CRACR2A: variants seen among roughly 807,000 people sequenced by gnomAD.
The protein encoded by CRACR2A is calcium release activated channel regulator 2A.
A neutral mutation model predicts 90.5 loss-of-function variants in CRACR2A; 79 were observed. That is an observed-to-expected ratio of 0.87 (90% CI 0.73 to 1.05). CRACR2A has a LOEUF of 1.05. Among genes scored for constraint, CRACR2A ranks in the 50% least tolerant of loss-of-function variants. The pLI is 0.00. For synonymous variants in CRACR2A, 338 were observed against 356.7 expected (o/e 0.95, Z 0.59); for missense variants, 823 against 897.2 (o/e 0.92, Z 1.06).
chr12:3,677,922 G>GA (rs1348734752), intron 6 of CRACR2A, among the ~76,000 whole-genome samples: 52 of 152,288 alleles, frequency 3.4e-4, no homozygotes, highest in African/African-American at 1.1e-3. Flanking sequence ...ATTGTTTGCT[G>GA]AAAAATTCAC....
intron 4 of CRACR2A, among the ~76,000 whole-genome samples, chr12:3,693,455 C>T (rs1202536874): frequency 6.6e-6 from 1 of 152,220 alleles, no homozygotes; most frequent in Non-Finnish European, 1.5e-5. Flanking sequence ...CTAAAGTCTC[C>T]TGTGGGAGTA....
intron 3 of CRACR2A, among the ~76,000 whole-genome samples, chr12:3,697,286 G>T (rs539586903): frequency 6.6e-6 from 1 of 152,178 alleles, no homozygotes; most frequent in Non-Finnish European, 1.5e-5. Context: ...AGATTGAAAG[G>T]AGATGGAATA....
chr12:3,673,615 G>A (rs374818755), intron 6 of CRACR2A, 23 bp from the exon 7 acceptor site: 41 of 1,608,638 alleles, frequency 2.5e-5, no homozygotes, highest in Non-Finnish European at 3.3e-5. Flanking sequence ...GGACGCTCAT[G>A]TGGAAGTGTG....
At position 3,638,332 on chromosome 12, in the gene CRACR2A, G is replaced by A. The variant is rs1466944166; in HGVS notation, c.1394C>T (p.Pro465Leu). The A allele has an allele frequency of 5.8e-6, 9 of 1,551,212 alleles. No homozygotes were observed. The highest frequency in any genetic ancestry group is 1.2e-5 in the South Asian group (1 of 84,050). Residue 465 changes from proline (P) to leucine (L), a missense_variant, in exon 14 of 20, where the codon CCC becomes CTC. Coordinates refer to ENST00000440314, the MANE Select transcript of CRACR2A (RefSeq NM_001144958.2). Reference protein sequence around the residue: ...TGEPGPGGPYPRPLRRIISVE... With the variant: ...TGEPGPGGPYLRPLRRIISVE... Reference sequence around the variant, plus strand: ...GGAGATGATTCTGCGGAGCGGCCGGGGGTACGGACCCCCAGGCCCTGGCTC... The same window carrying A: ...GGAGATGATTCTGCGGAGCGGCCGGAGGTACGGACCCCCAGGCCCTGGCTC...
At chr12:3,720,458 A>AGAAAGAAAGAAAGAAAGAAG (rs1240847890) in intron 2 of CRACR2A, among the ~76,000 whole-genome samples, 1 of 151,820 alleles carries the variant, frequency 6.6e-6, no homozygotes, top group Non-Finnish European at 1.5e-5. Context: ...AAAGAAAGAA[A>AGAAAGAAAGAAAGAAAGAAG]GAAAGAAAGC....
At chr12:3,688,905 C>T (rs1247647516) in intron 4 of CRACR2A, among the ~76,000 whole-genome samples, 1 of 152,146 alleles carries the variant, frequency 6.6e-6, no homozygotes, top group Non-Finnish European at 1.5e-5. Context: ...CTTTCACCTT[C>T]CTGGTTAGCT....
chr12:3,686,009 G>C (rs1945546532), intron 4 of CRACR2A, among the ~76,000 whole-genome samples: 1 of 152,230 alleles, frequency 6.6e-6, no homozygotes, highest in Non-Finnish European at 1.5e-5. Flanking sequence ...TCTCAGGGCT[G>C]AGTGTGCTAC....
In CRACR2A at chr12:3,711,836, G is replaced by A. The variant is rs1236268612; in HGVS notation, c.-37+1401C>T. On this transcript the variant is annotated intron_variant, in intron 3 of 19. Transcript: ENST00000440314. The surrounding 1 kb of genome is among the most constrained non-coding windows in gnomAD (Gnocchi z 4.3). ...TTAGTTAGAGTTTAACATACAAGAT[G>A]CTATACTGAGGTGGAATAAAAGGCC... is the stretch of plus-strand genomic sequence containing the variant. 6.6e-6 allele frequency among the ~76,000 whole-genome samples: 1 copy of A among 152,160 alleles called. No individual in the cohort carries two copies. The highest frequency in any genetic ancestry group is 1.9e-4 in the East Asian group (1 of 5,200).
chr12:3,719,599 G>A (rs956528871), intron 2 of CRACR2A, among the ~76,000 whole-genome samples: 2 of 152,156 alleles, frequency 1.3e-5, no homozygotes, highest in African/African-American at 2.4e-5. Flanking sequence ...AGCCAAAACC[G>A]TGCAGACTCT....
intron 11 of CRACR2A, 132 bp from the exon 12 acceptor site, chr12:3,644,772 C>T: frequency 1.3e-6 from 1 of 782,538 alleles, no homozygotes; most frequent in Non-Finnish European, 2.2e-6. Flanking sequence ...GTGGAATCTC[C>T]TTCCATAGGG....
chr12:3,660,779 A>G (rs1945015171), intron 7 of CRACR2A, among the ~76,000 whole-genome samples: 1 of 150,442 alleles, frequency 6.6e-6, no homozygotes, highest in Non-Finnish European at 1.5e-5. Context: ...AGGAAACTTC[A>G]GGCTCTGTGA....
At chr12:3,629,097 A>C (rs1944332577) in intron 15 of CRACR2A, among the ~76,000 whole-genome samples, 1 of 152,202 alleles carries the variant, frequency 6.6e-6, no homozygotes, top group Non-Finnish European at 1.5e-5. Context: ...ACCTTCACAG[A>C]GTCCCACTGT....
chr12:3,688,127 A>T (rs374831817), intron 4 of CRACR2A, among the ~76,000 whole-genome samples: 5 of 152,226 alleles, frequency 3.3e-5, no homozygotes, highest in African/African-American at 1.2e-4. Flanking sequence ...CTTTTCTCCC[A>T]TTCTGTAGGT....
At chr12:3,679,953 G>A (rs890463608) in intron 5 of CRACR2A, among the ~76,000 whole-genome samples, 1 of 152,176 alleles carries the variant, frequency 6.6e-6, no homozygotes, top group Non-Finnish European at 1.5e-5. Context: ...TTATGCTATG[G>A]CTTCTGCAGA....
intron 3 of CRACR2A, among the ~76,000 whole-genome samples, chr12:3,707,352 C>A (rs899209927): frequency 1.3e-5 from 2 of 152,216 alleles, no homozygotes; most frequent in Non-Finnish European, 2.9e-5. Context: ...CATTAAACAG[C>A]CCCCTTCACA....
At chr12:3,673,925 T>TA (rs1164510163) in intron 6 of CRACR2A, among the ~76,000 whole-genome samples, 1 of 152,116 alleles carries the variant, frequency 6.6e-6, no homozygotes, top group African/African-American at 2.4e-5. Flanking sequence ...CTGACTCCGG[T>TA]GTTGGCCTCC....
chr12:3,633,591 G>A lies in CRACR2A; in HGVS notation c.1735+13C>T. ...AGATGGGCCTAGGACCCACCTCAGGGATGAGAACTCACCCACAGTGGCCGC... is the reference window on the plus strand; with the variant it reads ...AGATGGGCCTAGGACCCACCTCAGGAATGAGAACTCACCCACAGTGGCCGC... On this transcript the variant is annotated intron_variant, in intron 15 of 19. Coordinates refer to ENST00000440314, the MANE Select transcript of CRACR2A (RefSeq NM_001144958.2). This position sits in a 1 kb window ranked among gnomAD's most constrained non-coding sequence, Gnocchi z 4.5. The A allele has an allele frequency of 6.4e-7, 1 of 1,551,616 alleles. No individual in the cohort carries two copies. The highest frequency in any genetic ancestry group is 1.2e-5 in the South Asian group (1 of 84,052).
intron 4 of CRACR2A, among the ~76,000 whole-genome samples, chr12:3,690,939 A>G (rs1945639778): frequency 1.3e-5 from 2 of 151,918 alleles, no homozygotes; most frequent in Non-Finnish European, 2.9e-5. Context: ...TTCTTGGTTT[A>G]AAGTCTGTTT....
At chr12:3,743,426 T>C (rs1946560402) in intron 1 of CRACR2A, among the ~76,000 whole-genome samples, 2 of 152,244 alleles carry the variant, frequency 1.3e-5, no homozygotes, top group Non-Finnish European at 2.9e-5. Flanking sequence ...CGGCGGCTTC[T>C]GCCTCCCATT....
Sources: allele counts gnomAD v4.1 joint callset (sites outside exome capture counted in the v4.1 genomes callset), GRCh38; gene constraint gnomAD v4.1.1; non-coding constraint Gnocchi (gnomAD v3.1); transcripts MANE v1.5; gene names NCBI Gene and HGNC (gene_info 2026-07-23, HGNC 2026-07-21).